Variants in RNF187 observed in about 807,000 individuals in gnomAD.
RNF187 encodes the protein E3 ubiquitin-protein ligase RNF187.
Under a neutral mutation model 22.2 loss-of-function variants are expected in RNF187, and 18 were observed. That is an observed-to-expected ratio of 0.81 (90% CI 0.56 to 1.20). The LOEUF (loss-of-function observed/expected upper bound fraction) is 1.20, where lower values mean the gene tolerates loss of function less well. RNF187 is among the 50% of genes most tolerant of loss of function. RNF187 has a pLI of 0.00. For missense variants in RNF187, 329 were observed against 317.6 expected (o/e 1.04, Z -0.27); for synonymous variants, 164 against 140.9 (o/e 1.16, Z -1.16).
chr1:228,488,090 A>C, intron 1 of RNF187: 1 of 176,098 alleles, frequency 5.7e-6, no homozygotes. Context: ...GCCTCCCCAT[A>C]TTTCCTGCGT....
chr1:228,494,866 G>A lies in RNF187; in HGVS notation c.*981G>A. 1 of 985,464 alleles carries A rather than the reference G, an allele frequency of 1.0e-6. No homozygotes were observed. The highest frequency in any genetic ancestry group is 1.2e-6 in the Non-Finnish European group (1 of 829,990). The allele number at this position is 985,464 out of a possible 1,614,324, so 61.0% of individuals were successfully genotyped here. A position where few individuals can be genotyped will look rare whatever the true frequency, so the allele number is the denominator to read the frequency against. ...TGAGCGGTGCCCATTTCCAGATGAA[G>A]CCTTTCAGCCCTTCTGAGTCCCCGG... is the stretch of plus-strand genomic sequence containing the variant. On this transcript the variant is annotated 3_prime_UTR_variant, in exon 4 of 4. Coordinates refer to ENST00000305943, the MANE Select transcript of RNF187 (RefSeq NM_001010858.3).
Position 228,494,016 on chromosome 1 carries a change from G to A in RNF187, c.*131G>A. 37 of 1,547,146 alleles carry A rather than the reference G, an allele frequency of 2.4e-5. 1 individual carries two copies. The South Asian group carries it at 3.0e-4, about 12-fold the overall frequency. On this transcript the variant is annotated 3_prime_UTR_variant, in exon 4 of 4. Coordinates refer to ENST00000305943, the MANE Select transcript of RNF187 (RefSeq NM_001010858.3). ...GCCTTGGGTCCATCTACATAGTTGCGTGTTTCAACAATGTCCATTTATCCT... is the reference window on the plus strand; with the variant it reads ...GCCTTGGGTCCATCTACATAGTTGCATGTTTCAACAATGTCCATTTATCCT...
chr1:228,491,621 G>A, intron 2 of RNF187, among the ~76,000 whole-genome samples: 1 of 151,950 alleles, frequency 6.6e-6, no homozygotes, highest in African/African-American at 2.4e-5. Context: ...TGTATTTTTA[G>A]TGGAGATGGG....
chr1:228,495,485 A>T lies in RNF187; in HGVS notation c.*1600A>T. 6 of 985,434 alleles carry T rather than the reference A, an allele frequency of 6.1e-6. No individual in the cohort carries two copies. Among genetic ancestry groups the T allele is most frequent in the Non-Finnish European group, 7.2e-6 (6 of 829,950 alleles). The allele number at this position is 985,434 out of a possible 1,614,324, so 61.0% of individuals were successfully genotyped here. ...GTAGAGAATCTTTGTCAGCACGCCA[A>T]CAACATCCCGACCCTGAGACCTCCA... On this transcript the variant is annotated 3_prime_UTR_variant, in exon 4 of 4. Transcript: ENST00000305943.
chr1:228,489,440 G>A, intron 2 of RNF187, among the ~76,000 whole-genome samples: 1 of 152,074 alleles, frequency 6.6e-6, no homozygotes, highest in Non-Finnish European at 1.5e-5. Context: ...TGGGACTATA[G>A]GCACGTGCTA....
Position 228,491,403 on chromosome 1 carries a change from A to T in RNF187, c.484-1650A>T. On this transcript the variant is annotated intron_variant, in intron 2 of 3. Coordinates refer to ENST00000305943, the MANE Select transcript of RNF187 (RefSeq NM_001010858.3). The stretch of plus-strand genomic sequence containing the variant: ...GCCCTATCTCAAAAAAAAAAAAAAA[A>T]AAAAAATAAAGGGAGATGGGTTAAT... 2.8e-4 allele frequency among the ~76,000 whole-genome samples: 42 copies of T among 148,132 alleles called. 1 individual carries two copies. Among genetic ancestry groups the T allele is most frequent in the East Asian group, 2.3e-3 (12 of 5,134 alleles).
Position 228,494,109 on chromosome 1 carries a change from C to T in RNF187, c.*224C>T. The stretch of plus-strand genomic sequence containing the variant: ...AGAGGCTGGACCTGAGGACCCTTCC[C>T]ACCTGTGCCCGTCCCTTCCTGAAGT... On this transcript the variant is annotated 3_prime_UTR_variant, in exon 4 of 4. Transcript: ENST00000305943. The T allele has an allele frequency of 6.9e-7, 1 of 1,453,138 alleles. No individual in the cohort carries two copies. The highest frequency in any genetic ancestry group is 2.5e-5 in the East Asian group (1 of 39,758). 90.0% of individuals were successfully genotyped at this position (1,453,138 alleles called of 1,614,324 possible). A position where few individuals can be genotyped will look rare whatever the true frequency, so the allele number is the denominator to read the frequency against.
In RNF187 at chr1:228,493,543, T is replaced by C; in HGVS notation, c.705+269T>C. Among the ~76,000 whole-genome samples the C allele has an allele frequency of 6.6e-6, 1 of 152,252 alleles. No individual in the cohort carries two copies. Among genetic ancestry groups the C allele is most frequent in the Non-Finnish European group, 1.5e-5 (1 of 68,034 alleles). On this transcript the variant is annotated intron_variant, in intron 3 of 3. Coordinates refer to ENST00000305943, the MANE Select transcript of RNF187 (RefSeq NM_001010858.3). This position sits in a 1 kb window ranked among gnomAD's most constrained non-coding sequence, Gnocchi z 4.7. ...CGAGTGCCCGAGCATGGAAGGCTCC[T>C]GCCTCGCCCTGGGGTCCTGAAGGCA...
At chr1:228,491,263 C>G in intron 2 of RNF187, among the ~76,000 whole-genome samples, 1 of 151,816 alleles carries the variant, frequency 6.6e-6, no homozygotes, top group East Asian at 2.0e-4. Flanking sequence ...GGTGTTGCAT[C>G]TGTGGTCCCA....
chr1:228,493,760 A>C lies in RNF187; in HGVS notation c.706-123A>C. The C allele has an allele frequency of 1.2e-5, 13 of 1,053,570 alleles. No homozygotes were observed. The East Asian group carries it at 3.1e-4, about 25-fold the overall frequency. 65.3% of individuals were successfully genotyped at this position (1,053,570 alleles called of 1,614,324 possible). A position where few individuals can be genotyped will look rare whatever the true frequency, so the allele number is the denominator to read the frequency against. ...GCCCTGGGTTTGTTGTGCTCAGGAC[A>C]GTACCTCATGCGCTGTCTCATGTGC... is the stretch of plus-strand genomic sequence containing the variant. On this transcript the variant is annotated intron_variant, in intron 3 of 3. Transcript: ENST00000305943. The surrounding 1 kb of genome is among the most constrained non-coding windows in gnomAD (Gnocchi z 4.7).
chr1:228,496,017 A>C lies in RNF187; in HGVS notation c.*2132A>C. ...CAGATACAGAGGGCCAACTGCGTAC[A>C]GTACACGGTTATCAGCTGAAGTCAC... On this transcript the variant is annotated 3_prime_UTR_variant, in exon 4 of 4. Coordinates refer to ENST00000305943, the MANE Select transcript of RNF187 (RefSeq NM_001010858.3). Among the ~76,000 whole-genome samples, 1 of 152,216 alleles carries C rather than the reference A, an allele frequency of 6.6e-6. No homozygotes were observed. Among genetic ancestry groups the C allele is most frequent in the South Asian group, 2.1e-4 (1 of 4,834 alleles).
intron 2 of RNF187, 72 bp from the exon 3 acceptor site, chr1:228,492,981 G>A: frequency 6.9e-7 from 1 of 1,458,332 alleles, no homozygotes; most frequent in East Asian, 2.5e-5. Flanking sequence ...ACTCCTTCAA[G>A]AGCAAACAGG....
Position 228,495,706 on chromosome 1 carries a change from C to G in RNF187, c.*1821C>G. 1 of 985,458 alleles carries G rather than the reference C, an allele frequency of 1.0e-6. No individual in the cohort carries two copies. Among genetic ancestry groups the G allele is most frequent in the African/African-American group, 1.7e-5 (1 of 57,224 alleles). The allele number at this position is 985,458 out of a possible 1,614,324, so 61.0% of individuals were successfully genotyped here. A position where few individuals can be genotyped will look rare whatever the true frequency, so the allele number is the denominator to read the frequency against. ...CCTAACCTAGCTGACCAGCAACATC[C>G]CACCCTGTCAATCACAACCTCTTTC... On this transcript the variant is annotated 3_prime_UTR_variant, in exon 4 of 4. Coordinates refer to ENST00000305943, the MANE Select transcript of RNF187 (RefSeq NM_001010858.3).
chr1:228,493,904 G>T lies in RNF187; in HGVS notation c.*19G>T. 1 of 1,551,800 alleles carries T rather than the reference G, an allele frequency of 6.4e-7. No homozygotes were observed. The highest frequency in any genetic ancestry group is 8.7e-7 in the Non-Finnish European group (1 of 1,147,004). ...GCAGTGATGGCGCCAACCCGTGGCA[G>T]TCCCAGAGCTGGAGGCAGGAGGATG... On this transcript the variant is annotated 3_prime_UTR_variant, in exon 4 of 4. Coordinates refer to ENST00000305943, the MANE Select transcript of RNF187 (RefSeq NM_001010858.3). The surrounding 1 kb of genome is among the most constrained non-coding windows in gnomAD (Gnocchi z 4.7).
At position 228,493,548 on chromosome 1, in the gene RNF187, C is replaced by T; in HGVS notation, c.705+274C>T. ...GCCCGAGCATGGAAGGCTCCTGCCT[C>T]GCCCTGGGGTCCTGAAGGCAGAAGC... On this transcript the variant is annotated intron_variant, in intron 3 of 3. Transcript: ENST00000305943. This position sits in a 1 kb window ranked among gnomAD's most constrained non-coding sequence, Gnocchi z 4.7. 6.6e-6 allele frequency among the ~76,000 whole-genome samples: 1 copy of T among 152,224 alleles called. No individual in the cohort carries two copies. The highest frequency in any genetic ancestry group is 1.5e-5 in the Non-Finnish European group (1 of 68,032).
Position 228,488,943 on chromosome 1 carries a change from C to T in RNF187, c.391-17C>T. On this transcript the variant is annotated splice_polypyrimidine_tract_variant and intron_variant, in intron 1 of 3. Coordinates refer to ENST00000305943, the MANE Select transcript of RNF187 (RefSeq NM_001010858.3). ...CAGAGCTTCTGCCCACCCCTGGTGACCTTCTTTTCTTTACAGGAGAACAAG... is the reference window on the plus strand; with the variant it reads ...CAGAGCTTCTGCCCACCCCTGGTGATCTTCTTTTCTTTACAGGAGAACAAG... 3.2e-6 allele frequency: 5 copies of T among 1,548,356 alleles called. No homozygotes were observed. The highest frequency in any genetic ancestry group is 1.7e-4 in the Middle Eastern group (1 of 5,982).
chr1:228,494,556 C>G lies in RNF187; in HGVS notation c.*671C>G. On this transcript the variant is annotated 3_prime_UTR_variant, in exon 4 of 4. Transcript: ENST00000305943. ...TCCACCTGCCTCCGCAGAAGGAAGCCTCTTTCTCTGTTTCCCTGGGTGAGG... is the reference window on the plus strand; with the variant it reads ...TCCACCTGCCTCCGCAGAAGGAAGCGTCTTTCTCTGTTTCCCTGGGTGAGG... 3.4e-5 allele frequency: 34 copies of G among 985,826 alleles called. No homozygotes were observed. The African/African-American group carries it at 5.1e-4, about 15-fold the overall frequency. The allele number at this position is 985,826 out of a possible 1,614,324, so 61.1% of individuals were successfully genotyped here.
In RNF187 at chr1:228,494,665, T is replaced by G; in HGVS notation, c.*780T>G. 1.0e-6 allele frequency: 1 copy of G among 985,624 alleles called. No homozygotes were observed. Among genetic ancestry groups the G allele is most frequent in the Non-Finnish European group, 1.2e-6 (1 of 830,070 alleles). 61.1% of individuals were successfully genotyped at this position (985,624 alleles called of 1,614,324 possible). A position where few individuals can be genotyped will look rare whatever the true frequency, so the allele number is the denominator to read the frequency against. On this transcript the variant is annotated 3_prime_UTR_variant, in exon 4 of 4. Coordinates refer to ENST00000305943, the MANE Select transcript of RNF187 (RefSeq NM_001010858.3). ...TTGCTGTTATCTCTAGCTCTTTCCCTCCTCCCATTTCCTTTAGTAGTTGAA... is the reference window on the plus strand; with the variant it reads ...TTGCTGTTATCTCTAGCTCTTTCCCGCCTCCCATTTCCTTTAGTAGTTGAA...
In RNF187 at chr1:228,487,437, C is replaced by G. The variant is rs1044661344; in HGVS notation, c.-52C>G. On this transcript the variant is annotated 5_prime_UTR_variant, in exon 1 of 4. Coordinates refer to ENST00000305943, the MANE Select transcript of RNF187 (RefSeq NM_001010858.3). The stretch of plus-strand genomic sequence containing the variant: ...GTCCGGTCGCCGGCCGTCTAGGTCT[C>G]CGGCCCTCCCCAGCCGCTCCTGCGC... 9.1e-7 allele frequency: 1 copy of G among 1,094,840 alleles called. No homozygotes were observed. Among genetic ancestry groups the G allele is most frequent in the Non-Finnish European group, 1.1e-6 (1 of 901,938 alleles). 67.8% of individuals were successfully genotyped at this position (1,094,840 alleles called of 1,614,324 possible).
Sources: allele counts gnomAD v4.1 joint callset (sites outside exome capture counted in the v4.1 genomes callset), GRCh38; gene constraint gnomAD v4.1.1; non-coding constraint Gnocchi (gnomAD v3.1); transcripts MANE v1.5; gene names NCBI Gene and HGNC (gene_info 2026-07-23, HGNC 2026-07-21).